Variants in ABCG2 observed in about 807,000 individuals in gnomAD.
The protein encoded by ABCG2 is ATP binding cassette subfamily G member 2 (JR blood group).
In ABCG2, 80 loss-of-function variants were observed where a neutral mutation model predicts 73.5. The ratio of observed to expected loss-of-function variants is 1.09; its 90% confidence interval spans 0.91 to 1.31. ABCG2 has a LOEUF of 1.31. Ranked by LOEUF, ABCG2 falls within the 50% of genes most tolerant of loss-of-function variation. ABCG2 has a pLI of 0.00. For missense variants in ABCG2, 796 were observed against 786.2 expected (o/e 1.01, Z -0.15); for synonymous variants, 269 against 282.4 (o/e 0.95, Z 0.48).
intron 1 of ABCG2, among the ~76,000 whole-genome samples, chr4:88,204,433 A>C (rs1195734874): frequency 6.6e-6 from 1 of 152,068 alleles, no homozygotes; most frequent in Non-Finnish European, 1.5e-5. Flanking sequence ...CAAACAAACA[A>C]ACAAACAAAC....
At chr4:88,156,289 C>T (rs1045301394) in intron 1 of ABCG2, among the ~76,000 whole-genome samples, 2 of 139,680 alleles carry the variant, frequency 1.4e-5, no homozygotes, top group East Asian at 2.4e-4. Flanking sequence ...GCACAAGAAT[C>T]GCTTGAGCCT....
Position 88,114,939 on chromosome 4 carries a change from T to C in ABCG2, c.943+18A>G, listed in dbSNP as rs1278716316. On this transcript the variant is annotated intron_variant, in intron 8 of 15. Coordinates refer to ENST00000237612, the MANE Select transcript of ABCG2 (RefSeq NM_004827.3). ...ATTCAATTAGGCAAAAATCTGGGAC[T>C]GTAACAGATTCATATACCTTTAAAG... The C allele has an allele frequency of 2.6e-6, 4 of 1,561,136 alleles. No homozygotes were observed. In the South Asian group the frequency reaches 3.4e-5, roughly 13 times the overall value.
At chr4:88,116,221 T>G (rs1723569113) in intron 7 of ABCG2, among the ~76,000 whole-genome samples, 1 of 152,012 alleles carries the variant, frequency 6.6e-6, no homozygotes, top group Admixed American at 6.6e-5. Flanking sequence ...ATTAATTAAT[T>G]CAGAAATCCA....
At position 88,158,630 on chromosome 4, in the gene ABCG2, G is replaced by A. The variant is rs1727117312; in HGVS notation, c.-264C>T. ...CGCGTCTCTCAATCTCAGTGGGAGT[G>A]GCGGGCACTGCCTCTTCCCTCCTGC... On this transcript the variant is annotated 5_prime_UTR_variant, in exon 1 of 16. Transcript: ENST00000237612. 1 of 456,308 alleles carries A rather than the reference G, an allele frequency of 2.2e-6. No individual in the cohort carries two copies. The highest frequency in any genetic ancestry group is 4.4e-6 in the Non-Finnish European group (1 of 226,960). The allele number at this position is 456,308 out of a possible 1,614,324, so 28.3% of individuals were successfully genotyped here.
chr4:88,193,826 C>T (rs1728804940), intron 1 of ABCG2, among the ~76,000 whole-genome samples: 1 of 152,180 alleles, frequency 6.6e-6, no homozygotes, highest in Non-Finnish European at 1.5e-5. Context: ...CTCACTGCAA[C>T]CTCCACTTCC....
rs533373690 is a variant in ABCG2, at chr4:88,198,779, T to A, written c.-20+32215A>T. Among the ~76,000 whole-genome samples, 5 of 151,964 alleles carry A rather than the reference T, an allele frequency of 3.3e-5. No individual in the cohort carries two copies. In the East Asian group the frequency reaches 9.7e-4, roughly 29 times the overall value. On this transcript the variant is annotated intron_variant, in intron 1 of 15. Transcript: ENST00000515655. ...GCCATTCATGAGCTTACGGGTTGAC[T>A]AAACATAGCTGAAGAAAGATACTCT... is the stretch of plus-strand genomic sequence containing the variant.
chr4:88,113,245 G>A, intron 9 of ABCG2, 58 bp downstream of exon 9: 1 of 1,568,850 alleles, frequency 6.4e-7, no homozygotes, highest in Non-Finnish European at 8.6e-7. Flanking sequence ...TCCTGAAGCA[G>A]ATGATAACAG....
chr4:88,203,832 AC>A (rs1729278913), intron 1 of ABCG2, among the ~76,000 whole-genome samples: 1 of 151,848 alleles, frequency 6.6e-6, no homozygotes, highest in African/African-American at 2.4e-5. Context: ...AAAGGCAACT[AC>A]ATTTTTCTGA....
chr4:88,196,170 TACTGTA>T lies in ABCG2; in HGVS notation c.-20+34818_-20+34823del, dbSNP rs550136040. Reference sequence around the variant, plus strand: ...CCTGCCCCGCACATTTCTGACTAACTACTGTAACAGACTAGAGAGCTCTGCATTGGA... The same window carrying T: ...CCTGCCCCGCACATTTCTGACTAACTACAGACTAGAGAGCTCTGCATTGGA... On this transcript the variant is annotated intron_variant, in intron 1 of 15. Coordinates refer to the ABCG2 transcript ENST00000515655. Among the ~76,000 whole-genome samples, 7 of 152,210 alleles carry T rather than the reference TACTGTA, an allele frequency of 4.6e-5. 1 individual carries two copies. The highest frequency in any genetic ancestry group is 1.0e-4 in the Non-Finnish European group (7 of 68,034).
In ABCG2 at chr4:88,101,339, C is replaced by T. The variant is rs1323297903; in HGVS notation, c.1278-20G>A. ...CCAGCTCTGCCATGAAAAGGGGAAC[C>T]AAATCACCGCAGTCAACTCAGCATT... On this transcript the variant is annotated intron_variant, in intron 10 of 15. Coordinates refer to ENST00000237612, the MANE Select transcript of ABCG2 (RefSeq NM_004827.3). The T allele has an allele frequency of 6.3e-7, 1 of 1,598,832 alleles. No individual in the cohort carries two copies. Among genetic ancestry groups the T allele is most frequent in the Non-Finnish European group, 8.6e-7 (1 of 1,166,254 alleles).
intron 7 of ABCG2, among the ~76,000 whole-genome samples, chr4:88,115,284 A>ATTATT (rs58774529): frequency 1.4e-5 from 1 of 73,176 alleles, no homozygotes; most frequent in African/African-American, 5.0e-5. Flanking sequence ...ATATATATAT[A>ATTATT]ATTTATTTAT....
chr4:88,199,474 T>C (rs573718574), intron 1 of ABCG2, among the ~76,000 whole-genome samples: 1 of 152,158 alleles, frequency 6.6e-6, no homozygotes, highest in South Asian at 2.1e-4. Flanking sequence ...TATTCTTAAC[T>C]ATAGAGAAAC....
intron 5 of ABCG2, among the ~76,000 whole-genome samples, chr4:88,122,245 G>A (rs1280814596): frequency 1.3e-5 from 2 of 152,138 alleles, no homozygotes; most frequent in Non-Finnish European, 1.5e-5. Context: ...GGCCATTTGG[G>A]CAGACACTGA....
At chr4:88,109,126 G>A (rs892980912) in intron 9 of ABCG2, among the ~76,000 whole-genome samples, 17 of 151,072 alleles carry the variant, frequency 1.1e-4, no homozygotes, top group African/African-American at 4.1e-4. Context: ...AGCCTCCCAA[G>A]CAACTGGGAT....
intron 13 of ABCG2, 83 bp downstream of exon 13, chr4:88,097,370 G>T: frequency 6.6e-6 from 10 of 1,511,344 alleles, no homozygotes; most frequent in Non-Finnish European, 9.0e-6. Flanking sequence ...CCTCAAAACA[G>T]GTTTTACATG....
In ABCG2 at chr4:88,128,402, C is replaced by T. The variant is rs182620580; in HGVS notation, c.531+2659G>A. Among the ~76,000 whole-genome samples the T allele has an allele frequency of 6.9e-4, 105 of 152,230 alleles. 1 individual carries two copies. The highest frequency in any genetic ancestry group is 2.1e-3 in the African/African-American group (87 of 41,542). On this transcript the variant is annotated intron_variant, in intron 5 of 15. Coordinates refer to ENST00000237612, the MANE Select transcript of ABCG2 (RefSeq NM_004827.3). The stretch of plus-strand genomic sequence containing the variant: ...ATCTAGAACCAGAAATACCATTTGA[C>T]CCAGCAATCCCATTACTGGGTATAT...
At chr4:88,118,046 C>G in intron 7 of ABCG2, 63 bp downstream of exon 7, 1 of 1,526,932 alleles carries the variant, frequency 6.5e-7, no homozygotes, top group East Asian at 2.3e-5. Context: ...CTGCAGACCC[C>G]CTTTGCTCTC....
intron 1 of ABCG2, among the ~76,000 whole-genome samples, chr4:88,202,418 T>TTC (rs900592947): frequency 1.4e-5 from 2 of 141,928 alleles, no homozygotes; most frequent in African/African-American, 5.2e-5. Context: ...TTGTAGGACT[T>TTC]TCTCCTTAAG....
intron 5 of ABCG2, among the ~76,000 whole-genome samples, chr4:88,123,287 G>A (rs1288049979): frequency 6.6e-6 from 1 of 152,104 alleles, no homozygotes; most frequent in African/African-American, 2.4e-5. Flanking sequence ...CGCCAGCAAG[G>A]GAACAAAACT....
Sources: allele counts gnomAD v4.1 joint callset (sites outside exome capture counted in the v4.1 genomes callset), GRCh38; gene constraint gnomAD v4.1.1; transcripts MANE v1.5; gene names NCBI Gene and HGNC (gene_info 2026-07-23, HGNC 2026-07-21).